AGMO: variants seen among roughly 807,000 people sequenced by gnomAD.
AGMO encodes glyceryl-ether monooxygenase.
Under a neutral mutation model 60.2 loss-of-function variants are expected in AGMO, and 75 were observed. That is an observed-to-expected ratio of 1.25 (90% CI 1.03 to 1.51). The LOEUF is 1.51. AGMO is among the 40% of genes most tolerant of loss of function. The probability of loss-of-function intolerance (pLI) is 0.00; values close to 1 mark genes in which losing one functional copy is unlikely to be tolerated. For synonymous variants in AGMO, 261 were observed against 177.1 expected (o/e 1.47, Z -3.76); for missense variants, 763 against 525.5 (o/e 1.45, Z -4.42).
At chr7:15,524,524 T>A (rs1784075026) in intron 3 of AGMO, among the ~76,000 whole-genome samples, 1 of 152,210 alleles carries the variant, frequency 6.6e-6, no homozygotes, top group South Asian at 2.1e-4. Flanking sequence ...GTATTTTCCT[T>A]ACTTTATTGA....
the AGMO span, among the ~76,000 whole-genome samples, chr7:15,172,669 G>A: frequency 6.6e-6 from 1 of 152,130 alleles, no homozygotes; most frequent in Non-Finnish European, 1.5e-5. Context: ...AGTGGATTTT[G>A]AGGGCTCAGC....
intron 12 of AGMO, among the ~76,000 whole-genome samples, chr7:15,322,453 T>A (rs1406455988): frequency 1.2e-5 from 1 of 80,486 alleles, no homozygotes; most frequent in African/African-American, 4.2e-5. Context: ...TAAATATATA[T>A]ATAAATATAT....
At chr7:15,551,073 A>G (rs1028452356) in intron 2 of AGMO, among the ~76,000 whole-genome samples, 9 of 151,866 alleles carry the variant, frequency 5.9e-5, no homozygotes, top group Admixed American at 5.9e-4. Flanking sequence ...AAACCACATG[A>G]TTATCTCAAT....
the AGMO span, among the ~76,000 whole-genome samples, chr7:15,187,888 C>T: frequency 1.1e-5 from 1 of 94,334 alleles, no homozygotes; most frequent in Admixed American, 1.2e-4. Context: ...AAATTCGTGA[C>T]AAGGATTAAC....
Position 15,561,995 on chromosome 7 carries a change from C to T in AGMO, c.-150G>A, listed in dbSNP as rs1393980707. 4 of 672,104 alleles carry T rather than the reference C, an allele frequency of 6.0e-6. No individual in the cohort carries two copies. The highest frequency in any genetic ancestry group is 2.3e-6 in the Non-Finnish European group (1 of 425,772). 41.6% of individuals were successfully genotyped at this position (672,104 alleles called of 1,614,324 possible). A position where few individuals can be genotyped will look rare whatever the true frequency, so the allele number is the denominator to read the frequency against. The stretch of plus-strand genomic sequence containing the variant: ...AAAGCTCCACTGAGAGCACACTCAA[C>T]AGCCGATTCTGTGTAGAGAGACAGG... On this transcript the variant is annotated 5_prime_UTR_variant, in exon 1 of 13. Transcript: ENST00000342526.
intron 5 of AGMO, among the ~76,000 whole-genome samples, chr7:15,409,407 G>C (rs897903528): frequency 6.6e-6 from 1 of 151,912 alleles, no homozygotes; most frequent in African/African-American, 2.4e-5. Flanking sequence ...AGTGAATGAA[G>C]TATGGTCAAA....
intron 5 of AGMO, among the ~76,000 whole-genome samples, chr7:15,405,856 G>A (rs919508817): frequency 1.3e-5 from 2 of 149,296 alleles, no homozygotes; most frequent in Non-Finnish European, 3.0e-5. Context: ...AATGCCTAAT[G>A]AAGCTAAAAT....
chr7:15,382,859 T>C (rs1056999440), intron 10 of AGMO, among the ~76,000 whole-genome samples: 2 of 152,202 alleles, frequency 1.3e-5, no homozygotes, highest in Non-Finnish European at 2.9e-5. Flanking sequence ...TAGGTGTTTA[T>C]AAATGATTAG....
chr7:15,253,507 C>T (rs550433523), intron 12 of AGMO, among the ~76,000 whole-genome samples: 5 of 152,006 alleles, frequency 3.3e-5, no homozygotes, highest in Admixed American at 2.6e-4. Context: ...GGCCAGCTTG[C>T]ATTTCCTAAT....
intron 12 of AGMO, among the ~76,000 whole-genome samples, chr7:15,281,882 A>G (rs141204980): frequency 7.9e-5 from 12 of 152,292 alleles, no homozygotes; most frequent in Non-Finnish European, 1.6e-4. Context: ...GAGACAGTGA[A>G]TTTGCTCATA....
chr7:15,520,262 C>A (rs958728415), intron 3 of AGMO, among the ~76,000 whole-genome samples: 3 of 152,174 alleles, frequency 2.0e-5, no homozygotes, highest in South Asian at 2.1e-4. Context: ...GACTTTAACA[C>A]CCCATTGTCA....
chr7:15,343,209 CTTTT>C lies in AGMO; in HGVS notation c.1263+22301_1263+22304del, dbSNP rs1261209644. On this transcript the variant is annotated intron_variant, in intron 12 of 12. Coordinates refer to ENST00000342526, the MANE Select transcript of AGMO (RefSeq NM_001004320.2). ...ACTCGCCACTGTAAAATGATCAATTCTTTTTATTATGCCCCTTTAATGACAGAAT... is the reference window on the plus strand; with the variant it reads ...ACTCGCCACTGTAAAATGATCAATTCTATTATGCCCCTTTAATGACAGAAT... Among the ~76,000 whole-genome samples, 4 of 152,168 alleles carry C rather than the reference CTTTT, an allele frequency of 2.6e-5. No homozygotes were observed. The South Asian group carries it at 6.2e-4, about 24-fold the overall frequency.
chr7:15,349,510 C>T (rs1185548947), intron 12 of AGMO, among the ~76,000 whole-genome samples: 2 of 152,068 alleles, frequency 1.3e-5, no homozygotes, highest in Admixed American at 6.6e-5. Flanking sequence ...TCTATGTTCT[C>T]AAACACCATA....
At chr7:15,507,627 G>T (rs963036389) in intron 3 of AGMO, among the ~76,000 whole-genome samples, 5 of 152,056 alleles carry the variant, frequency 3.3e-5, no homozygotes, top group African/African-American at 1.2e-4. Context: ...TAACTTTACT[G>T]CATCCTTATT....
At chr7:15,374,292 A>G (rs1172948800) in intron 10 of AGMO, among the ~76,000 whole-genome samples, 3 of 152,154 alleles carry the variant, frequency 2.0e-5, no homozygotes, top group Admixed American at 6.5e-5. Flanking sequence ...TAAGAGGAAT[A>G]TAATTACAGT....
At chr7:15,527,660 T>C (rs1315796084) in intron 3 of AGMO, among the ~76,000 whole-genome samples, 1 of 152,212 alleles carries the variant, frequency 6.6e-6, no homozygotes, top group Non-Finnish European at 1.5e-5. Context: ...AATAGCCATA[T>C]ATTGGAAGAA....
At chr7:15,355,152 G>C (rs1782474580) in intron 12 of AGMO, among the ~76,000 whole-genome samples, 1 of 151,972 alleles carries the variant, frequency 6.6e-6, no homozygotes. Context: ...CCCTATACAA[G>C]AATAGAGAAA....
At chr7:15,354,423 C>CACACGTGTGTGTAT (rs1782409807) in intron 12 of AGMO, among the ~76,000 whole-genome samples, 2 of 27,462 alleles carry the variant, frequency 7.3e-5, no homozygotes, top group African/African-American at 2.5e-4. Flanking sequence ...TGTGTGTATA[C>CACACGTGTGTGTAT]ACACACGTGT....
intron 12 of AGMO, among the ~76,000 whole-genome samples, chr7:15,344,347 T>C (rs568014336): frequency 9.2e-5 from 14 of 152,366 alleles, no homozygotes; most frequent in African/African-American, 3.1e-4. Flanking sequence ...ACAGGACTAA[T>C]TGTTTTCAAT....
Sources: allele counts gnomAD v4.1 joint callset (sites outside exome capture counted in the v4.1 genomes callset), GRCh38; gene constraint gnomAD v4.1.1; transcripts MANE v1.5; gene names NCBI Gene and HGNC (gene_info 2026-07-23, HGNC 2026-07-21).